SMYD1: variants seen among roughly 807,000 people sequenced by gnomAD.
SMYD1 encodes SET and MYND domain containing 1, also known as histone-lysine N-methyltransferase SMYD1.
SMYD1 carries 49 observed loss-of-function variants against 54.0 expected under a neutral mutation model. That is an observed-to-expected ratio of 0.91 (90% CI 0.72 to 1.15). The LOEUF is 1.15. SMYD1 is among the 50% of genes most tolerant of loss of function. The probability of loss-of-function intolerance (pLI) is 0.00; values close to 1 mark genes in which losing one functional copy is unlikely to be tolerated. For synonymous variants in SMYD1, 269 were observed against 234.2 expected, an observed-to-expected ratio of 1.15 and a Z score of -1.36; for missense variants, 653 against 639.6, an observed-to-expected ratio of 1.02 and a Z score of -0.23.
intron 1 of SMYD1, among the ~76,000 whole-genome samples, chr2:88,081,344 A>C (rs1293981726): frequency 6.6e-6 from 1 of 152,216 alleles, no homozygotes; most frequent in Admixed American, 6.5e-5. Context: ...AATTCTGTCT[A>C]GACAAACAGA....
chr2:88,088,183 G>A, intron 3 of SMYD1, 108 bp downstream of exon 3: 1 of 1,170,662 alleles, frequency 8.5e-7, no homozygotes, highest in Non-Finnish European at 1.2e-6. Context: ...AGAGGCAGAA[G>A]CCCTGTCTGC....
At chr2:88,089,585 G>GT (rs59808789) in intron 3 of SMYD1, among the ~76,000 whole-genome samples, 1,825 of 106,412 alleles carry the variant, frequency 0.017, 70 homozygotes, top group African/African-American at 0.027. Flanking sequence ...GCTTCTACCT[G>GT]TTTTTTTTTT....
chr2:88,077,286 C>T (rs1479254145), intron 1 of SMYD1, among the ~76,000 whole-genome samples: 5 of 152,208 alleles, frequency 3.3e-5, no homozygotes, highest in Non-Finnish European at 5.9e-5. Context: ...GGCTGCAGAG[C>T]AGAGTGAGAG....
At chr2:88,100,458 G>A (rs1259973394) in intron 6 of SMYD1, among the ~76,000 whole-genome samples, 5 of 152,144 alleles carry the variant, frequency 3.3e-5, no homozygotes, top group Admixed American at 3.3e-4. Context: ...GAGATTTAAA[G>A]ATAATAGAAT....
intron 1 of SMYD1, among the ~76,000 whole-genome samples, chr2:88,077,364 C>T (rs1402090916): frequency 6.6e-6 from 1 of 152,234 alleles, no homozygotes; most frequent in African/African-American, 2.4e-5. Context: ...GTAGCTGCAT[C>T]CGCCCGCCTT....
rs1268486025 is a variant in SMYD1 at position 88,112,328 on chromosome 2, T to C, written c.*1816T>C. 1.7e-6 allele frequency: 1 copy of C among 597,632 alleles called. No individual in the cohort carries two copies. The highest frequency in any genetic ancestry group is 3.0e-6 in the Non-Finnish European group (1 of 335,412). 37.0% of individuals were successfully genotyped at this position (597,632 alleles called of 1,614,324 possible). ...TTTTTCCATCCTATCTTTCTAATATTTGTTGTCTTTAACAAACTGTGTTCT... is the reference window on the plus strand; with the variant it reads ...TTTTTCCATCCTATCTTTCTAATATCTGTTGTCTTTAACAAACTGTGTTCT... On this transcript the variant is annotated 3_prime_UTR_variant, in exon 10 of 10. Transcript: ENST00000419482.
chr2:88,104,846 A>G (rs571331864), intron 7 of SMYD1, among the ~76,000 whole-genome samples: 2 of 152,350 alleles, frequency 1.3e-5, no homozygotes, highest in East Asian at 3.9e-4. Context: ...CTATGTCTGT[A>G]CAAGAGTCAG....
At chr2:88,092,260 C>G (rs996351138) in intron 4 of SMYD1, among the ~76,000 whole-genome samples, 1 of 151,998 alleles carries the variant, frequency 6.6e-6, no homozygotes, top group African/African-American at 2.4e-5. Context: ...TCTGAGACAG[C>G]ACAGATGAGG....
chr2:88,094,534 G>A (rs1674533842), intron 5 of SMYD1, among the ~76,000 whole-genome samples: 2 of 152,182 alleles, frequency 1.3e-5, no homozygotes, highest in Non-Finnish European at 2.9e-5. Flanking sequence ...GCCTCCTGCA[G>A]TGCTTATTTC....
intron 5 of SMYD1, among the ~76,000 whole-genome samples, chr2:88,095,205 C>T (rs1008993771): frequency 6.6e-6 from 1 of 152,194 alleles, no homozygotes; most frequent in African/African-American, 2.4e-5. Flanking sequence ...CCCGGCCTTC[C>T]TCTCCTACTG....
chr2:88,071,686 G>A (rs1673948778), intron 1 of SMYD1, among the ~76,000 whole-genome samples: 2 of 152,112 alleles, frequency 1.3e-5, no homozygotes, highest in Non-Finnish European at 2.9e-5. Context: ...CATCCTCTTA[G>A]GTGTTGTGGT....
intron 6 of SMYD1, among the ~76,000 whole-genome samples, chr2:88,098,478 A>G (rs1674651462): frequency 6.6e-6 from 1 of 152,164 alleles, no homozygotes; most frequent in Admixed American, 6.5e-5. Flanking sequence ...CCTGAATTCA[A>G]GGCAAAAGCT....
intron 8 of SMYD1, among the ~76,000 whole-genome samples, chr2:88,107,396 G>A (rs1388410778): frequency 6.6e-6 from 1 of 152,102 alleles, no homozygotes; most frequent in Non-Finnish European, 1.5e-5. Context: ...CCTGCAAAAG[G>A]GTGCCAACCA....
chr2:88,110,295 G>C, intron 9 of SMYD1, 59 bp from the exon 10 acceptor site: 2 of 1,532,782 alleles, frequency 1.3e-6, no homozygotes, highest in Non-Finnish European at 1.8e-6. Context: ...AGGTATATCA[G>C]AGACCAGCAT....
In SMYD1 at chr2:88,102,368, G is replaced by GTT. The variant is rs11395735; in HGVS notation, c.889-683_889-682dup. Among the ~76,000 whole-genome samples, 516 of 150,580 alleles carry GTT rather than the reference G, an allele frequency of 3.4e-3. 1 individual carries two copies. Among genetic ancestry groups the GTT allele is most frequent in the African/African-American group, 8.8e-3 (364 of 41,344 alleles). ...AAATATCAAAACCTTGTTTTGTTTT[G>GTT]TTTTTTTTGGTAAGATCACTAGGCT... On this transcript the variant is annotated intron_variant, in intron 6 of 9. Coordinates refer to ENST00000419482, the MANE Select transcript of SMYD1 (RefSeq NM_198274.4).
At position 88,088,023 on chromosome 2, in the gene SMYD1, C is replaced by G. The variant is rs144667347; in HGVS notation, c.476C>G (p.Pro159Arg). 49 of 1,614,096 alleles carry G rather than the reference C, an allele frequency of 3.0e-5. No homozygotes were observed. The African/African-American group carries it at 5.2e-4, about 17-fold the overall frequency. The change falls in exon 3 of 10, where the codon CCG becomes CGG. Residue 159 changes from proline to arginine, a missense_variant. Transcript: ENST00000419482. ...GTGGACACATTCTTGCAGTACTGGCCGCCGCAGAGCCAGCAGTTCAGCATG... is the reference window on the plus strand; with the variant it reads ...GTGGACACATTCTTGCAGTACTGGCGGCCGCAGAGCCAGCAGTTCAGCATG... ...VDVDTFLQYW[P>R]PQSQQFSMQY... is the part of the protein sequence containing the mutation.
chr2:88,082,906 T>G (rs1283241068), intron 1 of SMYD1: 1 of 152,008 alleles, frequency 6.6e-6, no homozygotes, highest in African/African-American at 2.4e-5. Context: ...AAGGAGGAAG[T>G]TTGCAACAAT....
At position 88,082,641 on chromosome 2, in the gene SMYD1, C is replaced by T. The variant is rs570638923; in HGVS notation, c.138-1675C>T. 4.5e-4 allele frequency: 69 copies of T among 154,530 alleles called. 1 individual carries two copies. In the South Asian group the frequency reaches 0.013, roughly 28 times the overall value. The allele number at this position is 154,530 out of a possible 1,614,324, so 9.6% of individuals were successfully genotyped here. A position where few individuals can be genotyped will look rare whatever the true frequency, so the allele number is the denominator to read the frequency against. Reference sequence around the variant, plus strand: ...TTTCTCAGCTAAACCCAACCTCCTTCGGCTACAGGGATTTCTGTAGGTGTA... The same window carrying T: ...TTTCTCAGCTAAACCCAACCTCCTTTGGCTACAGGGATTTCTGTAGGTGTA... On this transcript the variant is annotated intron_variant, in intron 1 of 9. Transcript: ENST00000419482.
intron 1 of SMYD1, among the ~76,000 whole-genome samples, chr2:88,077,098 C>A (rs1214994844): frequency 6.6e-6 from 1 of 151,994 alleles, no homozygotes; most frequent in Non-Finnish European, 1.5e-5. Context: ...CCCTGAAAGA[C>A]AGAACGGTTG....
Sources: gnomAD v4.1 joint callset for allele counts (sites outside exome capture counted in the v4.1 genomes callset) on GRCh38, gnomAD v4.1.1 for gene constraint, MANE v1.5 for transcripts, NCBI Gene and HGNC (gene_info 2026-07-23, HGNC 2026-07-21) for gene names.